The following ITGB5 variants were observed in gnomAD, a reference collection of about 807,000 sequenced individuals.
ITGB5 encodes the protein integrin beta-5.
A neutral mutation model predicts 84.8 loss-of-function variants in ITGB5; 38 were observed. The observed-to-expected ratio is 0.45, with a 90% CI of 0.35 to 0.59. ITGB5 has a LOEUF of 0.59. Among genes scored for constraint, ITGB5 ranks in the 20% least tolerant of loss-of-function variants. ITGB5 has a pLI of 0.01. For synonymous variants in ITGB5, 393 were observed against 414.4 expected (o/e 0.95, Z 0.63); for missense variants, 905 against 1,034.5 (o/e 0.87, Z 1.72).
At chr3:124,844,652 G>T (rs1403097141) in intron 4 of ITGB5, among the ~76,000 whole-genome samples, 1 of 152,186 alleles carries the variant, frequency 6.6e-6, no homozygotes, top group Non-Finnish European at 1.5e-5. Context: ...TTGGAGCAGG[G>T]TCTACCAGGA....
chr3:124,816,577 C>T (rs1034337649), intron 8 of ITGB5, among the ~76,000 whole-genome samples: 8 of 152,164 alleles, frequency 5.3e-5, no homozygotes, highest in Non-Finnish European at 1.2e-4. Flanking sequence ...GATGCCATAA[C>T]CATCTTGGGA....
At chr3:124,790,379 CTGACTAGACAGGGTTATCAGAACCGCCTT>C (rs2064131948) in intron 10 of ITGB5, among the ~76,000 whole-genome samples, 3 of 102,684 alleles carry the variant, frequency 2.9e-5, no homozygotes, top group African/African-American at 1.5e-4. Context: ...AGAACCGCCT[CTGACTAGACAGGGTTATCAGAACCGCCTT>C]TGACTAGACA....
upstream of ITGB5, among the ~76,000 whole-genome samples, chr3:124,890,162 T>G (rs532481158): frequency 1.9e-4 from 29 of 151,408 alleles, no homozygotes; most frequent in African/African-American, 7.0e-4. Context: ...GGGTAAATAC[T>G]GCCTTAATAA....
intron 2 of ITGB5, among the ~76,000 whole-genome samples, chr3:124,869,920 G>A (rs1933908080): frequency 6.6e-6 from 1 of 152,210 alleles, no homozygotes; most frequent in Admixed American, 6.5e-5. Flanking sequence ...CTAGCCACAT[G>A]TCACTAGAAA....
chr3:124,871,320 A>C (rs907091510), intron 2 of ITGB5, among the ~76,000 whole-genome samples: 4 of 152,016 alleles, frequency 2.6e-5, no homozygotes, highest in African/African-American at 9.7e-5. Context: ...TCAGCCTCCC[A>C]AGTAGCTGGG....
intron 10 of ITGB5, among the ~76,000 whole-genome samples, chr3:124,786,850 G>A (rs1308462934): frequency 6.6e-5 from 10 of 152,112 alleles, no homozygotes; most frequent in Non-Finnish European, 1.5e-4. Context: ...CTAAAACCAA[G>A]ACCAAACTCA....
At chr3:124,885,414 A>T (rs1934758188) in intron 1 of ITGB5, among the ~76,000 whole-genome samples, 2 of 152,212 alleles carry the variant, frequency 1.3e-5, no homozygotes, top group South Asian at 4.1e-4. Flanking sequence ...ACTAAGATTT[A>T]AAAACAAAAC....
intron 7 of ITGB5, among the ~76,000 whole-genome samples, chr3:124,817,913 A>G (rs1259164246): frequency 6.6e-6 from 1 of 152,108 alleles, no homozygotes; most frequent in Non-Finnish European, 1.5e-5. Flanking sequence ...ACGCCGTGGA[A>G]TATCCAGCCC....
rs190904225 is a variant in ITGB5 at position 124,762,114 on chromosome 3, C to A, written c.*1509G>T. On this transcript the variant is annotated 3_prime_UTR_variant, in exon 15 of 15. Coordinates refer to ENST00000296181, the MANE Select transcript of ITGB5 (RefSeq NM_002213.5). ...TCATATTTACACAAGATGAAGGAAA[C>A]TCAATCTGTTCGTATTTGCCCCAGG... 124 of 152,332 alleles carry A rather than the reference C, an allele frequency of 8.1e-4. No individual in the cohort carries two copies. The highest frequency in any genetic ancestry group is 2.5e-3 in the Admixed American group (38 of 15,300). 9.4% of individuals were successfully genotyped at this position (152,332 alleles called of 1,614,324 possible).
chr3:124,784,342 G>A (rs1559931381), intron 10 of ITGB5, among the ~76,000 whole-genome samples: 4 of 152,034 alleles, frequency 2.6e-5, no homozygotes, highest in Middle Eastern at 3.4e-3. Flanking sequence ...CCATCTCTAC[G>A]AAAAAATTAA....
At position 124,763,205 on chromosome 3, in the gene ITGB5, T is replaced by C. The variant is rs562250578; in HGVS notation, c.*418A>G. The stretch of plus-strand genomic sequence containing the variant: ...ATCTTTTTATTTCATATAAAAATGA[T>C]CAATGTGAAAAAAGCCAAACTGTAT... On this transcript the variant is annotated 3_prime_UTR_variant, in exon 15 of 15. Coordinates refer to ENST00000296181, the MANE Select transcript of ITGB5 (RefSeq NM_002213.5). 188 of 165,208 alleles carry C rather than the reference T, an allele frequency of 1.1e-3. 7 individuals carry two copies. The South Asian group carries it at 0.03, about 26-fold the overall frequency. The allele number at this position is 165,208 out of a possible 1,614,324, so 10.2% of individuals were successfully genotyped here.
chr3:124,897,165 C>T (rs546553016), intron 1 of ITGB5, among the ~76,000 whole-genome samples: 15 of 152,286 alleles, frequency 9.8e-5, no homozygotes, highest in Admixed American at 6.5e-4. Context: ...TTTGATACCC[C>T]GCTCAAATGT....
At chr3:124,862,792 C>T (rs1453709934) in intron 2 of ITGB5, 1 of 152,176 alleles carries the variant, frequency 6.6e-6, no homozygotes, top group African/African-American at 2.4e-5. Context: ...TTGTGATAAA[C>T]CTCAGCTCCA....
intron 8 of ITGB5, among the ~76,000 whole-genome samples, chr3:124,811,110 T>C (rs1450739966): frequency 5.9e-5 from 9 of 152,204 alleles, no homozygotes; most frequent in Admixed American, 5.9e-4. Context: ...TCCACTTCCC[T>C]TTGCAACTTG....
chr3:124,785,098 T>C (rs1391164869), intron 10 of ITGB5, among the ~76,000 whole-genome samples: 1 of 151,730 alleles, frequency 6.6e-6, no homozygotes, highest in East Asian at 1.9e-4. Flanking sequence ...TTAGGGGAGG[T>C]AGACGTTGTT....
intron 1 of ITGB5, among the ~76,000 whole-genome samples, chr3:124,874,894 T>TA (rs1379193753): frequency 3.3e-5 from 5 of 152,098 alleles, no homozygotes; most frequent in African/African-American, 4.8e-5. Context: ...ACCTGAAATG[T>TA]AAAACTACCA....
chr3:124,860,435 CTT>C (rs987958589), intron 2 of ITGB5, among the ~76,000 whole-genome samples: 1 of 152,010 alleles, frequency 6.6e-6, no homozygotes, highest in Non-Finnish European at 1.5e-5. Flanking sequence ...TTGTTTTTAT[CTT>C]TGTTGTTTGT....
chr3:124,778,260 T>C (rs2063953040), intron 10 of ITGB5, among the ~76,000 whole-genome samples: 1 of 152,250 alleles, frequency 6.6e-6, no homozygotes. Context: ...CAATGATTGA[T>C]AGCCAAATGG....
At chr3:124,765,272 A>AT (rs2063750505) in intron 13 of ITGB5, among the ~76,000 whole-genome samples, 1 of 152,192 alleles carries the variant, frequency 6.6e-6, no homozygotes, top group African/African-American at 2.4e-5. Context: ...GGCAAAGGCT[A>AT]TTGGTCCCTG....
Sources: allele counts gnomAD v4.1 joint callset (sites outside exome capture counted in the v4.1 genomes callset), GRCh38; gene constraint gnomAD v4.1.1; transcripts MANE v1.5; gene names NCBI Gene and HGNC (gene_info 2026-07-23, HGNC 2026-07-21).